Variants in PTPRN2 observed in about 807,000 individuals in gnomAD.
PTPRN2 encodes the protein protein tyrosine phosphatase receptor type N2.
PTPRN2 carries 74 observed loss-of-function variants against 118.8 expected under a neutral mutation model. The ratio of observed to expected loss-of-function variants is 0.62; its 90% CI spans 0.52 to 0.76. The LOEUF is 0.76. Among genes scored for constraint, PTPRN2 ranks in the 30% least tolerant of loss-of-function variants. The probability of loss-of-function intolerance (pLI) is 0.00; values close to 1 mark genes in which losing one functional copy is unlikely to be tolerated. For synonymous variants in PTPRN2, 641 were observed against 608.0 expected (o/e 1.05, Z -0.80); for missense variants, 1,481 against 1,394.4 (o/e 1.06, Z -0.99).
chr7:157,602,854 T>C (rs138401031), intron 16 of PTPRN2, among the ~76,000 whole-genome samples: 3 of 152,348 alleles, frequency 2.0e-5, no homozygotes, highest in African/African-American at 7.2e-5. Flanking sequence ...AAAGAAACTT[T>C]GGGACACCGT....
At chr7:158,389,252 C>T (rs1197373468) in intron 2 of PTPRN2, among the ~76,000 whole-genome samples, 1 of 152,240 alleles carries the variant, frequency 6.6e-6, no homozygotes, top group African/African-American at 2.4e-5. Flanking sequence ...ACCTGCTGTA[C>T]ATAAAGTTGT....
At chr7:158,515,488 T>C (rs1172115385) in intron 1 of PTPRN2, among the ~76,000 whole-genome samples, 2 of 152,068 alleles carry the variant, frequency 1.3e-5, no homozygotes, top group Non-Finnish European at 2.9e-5. Flanking sequence ...TGCCCAGCCG[T>C]GCGAATGTAA....
intron 12 of PTPRN2, among the ~76,000 whole-genome samples, chr7:157,685,756 G>A (rs536678458): frequency 2.6e-5 from 4 of 152,224 alleles, no homozygotes; most frequent in African/African-American, 9.6e-5. Flanking sequence ...ATGTCAAGGA[G>A]AGCGATTGCC....
chr7:158,000,393 G>T (rs1041498916), intron 11 of PTPRN2, among the ~76,000 whole-genome samples: 2 of 151,864 alleles, frequency 1.3e-5, no homozygotes, highest in Non-Finnish European at 2.9e-5. Flanking sequence ...CAGGCCAGAG[G>T]GTTCTCAGCT....
At chr7:157,769,390 C>T in intron 12 of PTPRN2, among the ~76,000 whole-genome samples, 1 of 152,174 alleles carries the variant, frequency 6.6e-6, no homozygotes, top group East Asian at 1.9e-4. Context: ...CTGGATGACT[C>T]CCCTCATTGT....
intron 3 of PTPRN2, among the ~76,000 whole-genome samples, chr7:158,271,506 A>C (rs1414941918): frequency 6.6e-6 from 1 of 152,234 alleles, no homozygotes; most frequent in Non-Finnish European, 1.5e-5. Flanking sequence ...CAGAGTCCAC[A>C]TGCACGGGAC....
At position 158,187,501 on chromosome 7, in the gene PTPRN2, C is replaced by T. The variant is rs558923408; in HGVS notation, c.549+4826G>A. 3.3e-5 allele frequency among the ~76,000 whole-genome samples: 5 copies of T among 152,278 alleles called. No individual in the cohort carries two copies. In the East Asian group the frequency reaches 5.8e-4, roughly 18 times the overall value. On this transcript the variant is annotated intron_variant, in intron 5 of 22. Coordinates refer to ENST00000389418, the MANE Select transcript of PTPRN2 (RefSeq NM_002847.5). Reference sequence around the variant, plus strand: ...TATTTACGGGGCAGCAAAATCTGCACGGCAGCGCTGCAGCCTCTGGTCACG... The same window carrying T: ...TATTTACGGGGCAGCAAAATCTGCATGGCAGCGCTGCAGCCTCTGGTCACG...
At chr7:157,975,634 G>A (rs1296085091) in intron 11 of PTPRN2, among the ~76,000 whole-genome samples, 1 of 152,192 alleles carries the variant, frequency 6.6e-6, no homozygotes, top group Admixed American at 6.5e-5. Context: ...TCAAGGATGA[G>A]GCCAGCCCTT....
intron 12 of PTPRN2, among the ~76,000 whole-genome samples, chr7:157,844,725 G>A (rs1288800216): frequency 1.3e-5 from 2 of 152,150 alleles, no homozygotes; most frequent in East Asian, 1.9e-4. Flanking sequence ...CTGTGTTCCC[G>A]GCAACGTACC....
chr7:158,356,732 GA>G (rs1808411617), intron 2 of PTPRN2, among the ~76,000 whole-genome samples: 1 of 151,804 alleles, frequency 6.6e-6, no homozygotes, highest in African/African-American at 2.4e-5. Flanking sequence ...CATTTTATTT[GA>G]GGGGCCAGAT....
chr7:158,336,910 CCG>C (rs1805678889), intron 2 of PTPRN2, among the ~76,000 whole-genome samples: 1 of 102,740 alleles, frequency 9.7e-6, no homozygotes, highest in Non-Finnish European at 2.2e-5. Context: ...ACCATAAGAT[CCG>C]ACGCCCGCAG....
At chr7:158,235,175 T>C (rs570733842) in intron 3 of PTPRN2, among the ~76,000 whole-genome samples, 28 of 152,216 alleles carry the variant, frequency 1.8e-4, no homozygotes, top group African/African-American at 2.4e-4. Context: ...CTATAGAGAA[T>C]AGTATGGAGG....
chr7:157,684,990 C>T (rs1797104192), intron 12 of PTPRN2, among the ~76,000 whole-genome samples: 2 of 151,934 alleles, frequency 1.3e-5, no homozygotes, highest in Admixed American at 1.3e-4. Context: ...ACCCCAGGGT[C>T]CATGTTCGCC....
rs1806542582 is a variant in PTPRN2 at position 158,340,634 on chromosome 7, T to TAACCATA, written c.164-23703_164-23702insTATGGTT. Among the ~76,000 whole-genome samples, 3 of 105,352 alleles carry TAACCATA rather than the reference T, an allele frequency of 2.8e-5. 1 individual carries two copies. The highest frequency in any genetic ancestry group is 1.1e-4 in the African/African-American group (3 of 28,506). 69.1% of individuals were successfully genotyped at this position (105,352 alleles called of 152,430 possible). A position where few individuals can be genotyped will look rare whatever the true frequency, so the allele number is the denominator to read the frequency against. On this transcript the variant is annotated intron_variant, in intron 2 of 22. Transcript: ENST00000389418. The stretch of plus-strand genomic sequence containing the variant: ...ACACACGTCACTCACACTCACACTC[T>TAACCATA]AGCCATAAGAGCTGACGCCCGCAGA...
intron 3 of PTPRN2, among the ~76,000 whole-genome samples, chr7:158,225,248 G>A (rs1228182693): frequency 6.6e-6 from 1 of 151,856 alleles, no homozygotes; most frequent in Non-Finnish European, 1.5e-5. Context: ...AAGAAATGAA[G>A]ACTTATGTTC....
Position 157,676,567 on chromosome 7 carries a change from G to A in PTPRN2, c.2001+6158C>T, listed in dbSNP as rs146635543. 2.0e-3 allele frequency among the ~76,000 whole-genome samples: 305 copies of A among 152,308 alleles called. No individual in the cohort carries two copies. The highest frequency in any genetic ancestry group is 0.014 in the Middle Eastern group (4 of 294). ...GTGGAGGAGCTGTCCAGACCCACGG[G>A]ACAGAAAAGCCCGGGCCAGCCCCTC... On this transcript the variant is annotated intron_variant, in intron 13 of 22. Transcript: ENST00000389418. This position sits in a 1 kb window ranked among gnomAD's most constrained non-coding sequence, Gnocchi z 5.6.
chr7:158,133,737 A>T lies in PTPRN2; in HGVS notation c.1496T>A (p.Leu499Gln), dbSNP rs1242534996. ...CTCGGAAGGCTGGACCTCCAATTGC[A>T]GGCCGTCGCTGAGGGCCTCCTGAGC... The part of the protein sequence containing the change: ...AGAQEALSDG[L>Q]QLEVQPSEEE... Residue 499 changes from leucine (L) to glutamine (Q), a missense_variant, in exon 9 of 23, where the codon CTG becomes CAG. Transcript: ENST00000389418. The T allele has an allele frequency of 1.2e-6, 2 of 1,612,236 alleles. No individual in the cohort carries two copies. The highest frequency in any genetic ancestry group is 1.7e-5 in the Admixed American group (1 of 59,956).
At position 157,963,371 on chromosome 7, in the gene PTPRN2, C is replaced by G. The variant is rs1056328920; in HGVS notation, c.1724-64634G>C. Among the ~76,000 whole-genome samples, 112 of 152,240 alleles carry G rather than the reference C, an allele frequency of 7.4e-4. 2 individuals carry two copies. Among genetic ancestry groups the G allele is most frequent in the Non-Finnish European group, 2.1e-4 (14 of 68,044 alleles). On this transcript the variant is annotated intron_variant, in intron 11 of 22. Coordinates refer to ENST00000389418, the MANE Select transcript of PTPRN2 (RefSeq NM_002847.5). ...GGCAGAAACAAGGTTTTGGAGCAAT[C>G]TACAATTTATTGAAAGCAGCCCTGA...
intron 9 of PTPRN2, among the ~76,000 whole-genome samples, chr7:158,123,889 G>A (rs78826325): frequency 4.1e-4 from 63 of 152,150 alleles, no homozygotes; most frequent in East Asian, 3.9e-4. Context: ...CTCAGATCCC[G>A]TGCCGACCCA....
Sources: allele counts gnomAD v4.1 joint callset (sites outside exome capture counted in the v4.1 genomes callset), GRCh38; gene constraint gnomAD v4.1.1; non-coding constraint Gnocchi (gnomAD v3.1); transcripts MANE v1.5; gene names NCBI Gene and HGNC (gene_info 2026-07-23, HGNC 2026-07-21).